GRM7: variants seen among roughly 807,000 people sequenced by gnomAD.
GRM7 encodes glutamate metabotropic receptor 7, also known as metabotropic glutamate receptor 7.
Under a neutral mutation model 84.5 loss-of-function variants are expected in GRM7, and 35 were observed. That is an observed-to-expected ratio of 0.41 (90% CI 0.32 to 0.55). The LOEUF (loss-of-function observed/expected upper bound fraction) is 0.55. GRM7 is among the 20% of genes least tolerant of loss of function. GRM7 has a pLI of 0.19. For missense variants in GRM7, 1,003 were observed against 1,194.6 expected, an observed-to-expected ratio of 0.84 and a Z score of 2.36; for synonymous variants, 487 against 455.1, an observed-to-expected ratio of 1.07 and a Z score of -0.89.
intron 1 of GRM7, among the ~76,000 whole-genome samples, chr3:7,099,258 T>C (rs554737118): frequency 3.7e-5 from 5 of 134,748 alleles, no homozygotes; most frequent in Non-Finnish European, 7.6e-5. Context: ...ATACATGTAT[T>C]ATACATGTAT....
rs1019279401 is a variant in GRM7, at chr3:7,351,365, A to T, written c.1033+44713A>T. Among the ~76,000 whole-genome samples the T allele has an allele frequency of 4.1e-5, 6 of 145,868 alleles. 1 individual carries two copies. In the South Asian group the frequency reaches 1.3e-3, roughly 32 times the overall value. On this transcript the variant is annotated intron_variant, in intron 4 of 9. Transcript: ENST00000357716. ...AAAAAAAAAAAAAAAAAAAAAAAAC[A>T]ACTGACTTATAAACTGACCCAACCC... is the stretch of plus-strand genomic sequence containing the variant.
At chr3:6,915,505 C>T (rs563413059) in intron 1 of GRM7, among the ~76,000 whole-genome samples, 4 of 152,280 alleles carry the variant, frequency 2.6e-5, no homozygotes, top group East Asian at 1.9e-4. Flanking sequence ...ACATTCTCAA[C>T]GTTCATCTTT....
At chr3:6,948,244 G>C (rs1323457063) in intron 1 of GRM7, among the ~76,000 whole-genome samples, 1 of 152,018 alleles carries the variant, frequency 6.6e-6, no homozygotes, top group Non-Finnish European at 1.5e-5. Flanking sequence ...CAGAGATTCT[G>C]GTATGTTGTG....
chr3:7,576,977 T>C (rs1326621286), intron 7 of GRM7, among the ~76,000 whole-genome samples: 2 of 152,214 alleles, frequency 1.3e-5, no homozygotes, highest in African/African-American at 4.8e-5. Context: ...CAGTGATCTT[T>C]GTCTTTCCAC....
intron 1 of GRM7, among the ~76,000 whole-genome samples, chr3:7,003,361 T>C (rs1207059159): frequency 2.6e-5 from 4 of 152,130 alleles, no homozygotes; most frequent in Non-Finnish European, 2.9e-5. Context: ...CCCATAAATA[T>C]ATGCAATTAA....
chr3:7,237,468 T>C (rs939117553), intron 2 of GRM7, among the ~76,000 whole-genome samples: 4 of 152,138 alleles, frequency 2.6e-5, no homozygotes, highest in African/African-American at 9.7e-5. Flanking sequence ...TTGGGCTCGC[T>C]GACTTCAAGC....
At chr3:7,065,780 C>T (rs1033149919) in intron 1 of GRM7, among the ~76,000 whole-genome samples, 4 of 151,710 alleles carry the variant, frequency 2.6e-5, no homozygotes, top group African/African-American at 7.3e-5. Context: ...TCACTTTTGG[C>T]AATATGGTGA....
At chr3:7,031,940 C>G (rs1156800878) in intron 1 of GRM7, among the ~76,000 whole-genome samples, 4 of 152,066 alleles carry the variant, frequency 2.6e-5, no homozygotes, top group Admixed American at 2.0e-4. Context: ...ACACAGTCTT[C>G]TGACCTGTGC....
chr3:7,410,512 G>A (rs57360810), intron 4 of GRM7, among the ~76,000 whole-genome samples: 4,843 of 151,674 alleles, frequency 0.032, 257 homozygotes, highest in African/African-American at 0.11. Context: ...GGTTGAGGCT[G>A]CATTGTGCCA....
chr3:7,597,825 G>T (rs546235380), intron 8 of GRM7, among the ~76,000 whole-genome samples: 1 of 152,240 alleles, frequency 6.6e-6, no homozygotes, highest in South Asian at 2.1e-4. Flanking sequence ...ATGCAAGAAG[G>T]CTTGGCTAGG....
chr3:7,199,274 T>C (rs1274883505), intron 2 of GRM7, among the ~76,000 whole-genome samples: 1 of 152,142 alleles, frequency 6.6e-6, no homozygotes, highest in Non-Finnish European at 1.5e-5. Flanking sequence ...TGCTGAGACA[T>C]GACATGGATG....
chr3:7,174,967 T>C (rs1370136204), intron 2 of GRM7, among the ~76,000 whole-genome samples: 1 of 152,198 alleles, frequency 6.6e-6, no homozygotes, highest in African/African-American at 2.4e-5. Context: ...TGAATAATGG[T>C]GTAATACATT....
intron 7 of GRM7, among the ~76,000 whole-genome samples, chr3:7,476,524 T>G (rs1367616936): frequency 6.6e-6 from 1 of 151,974 alleles, no homozygotes. Context: ...TCCAGCCTGG[T>G]GACAGTTCGA....
intron 2 of GRM7, among the ~76,000 whole-genome samples, chr3:7,251,252 GAATTTT>G (rs1697974265): frequency 6.6e-6 from 1 of 151,538 alleles, no homozygotes; most frequent in Admixed American, 6.6e-5. Flanking sequence ...TAACCAGAAA[GAATTTT>G]AATGCTTTCA....
intron 2 of GRM7, among the ~76,000 whole-genome samples, chr3:7,296,820 T>TAA: frequency 6.6e-6 from 1 of 151,248 alleles, no homozygotes; most frequent in African/African-American, 2.4e-5. Context: ...AACAGCTTTT[T>TAA]TAAAAAAAAA....
At chr3:7,326,736 A>T (rs1347038765) in intron 4 of GRM7, among the ~76,000 whole-genome samples, 2 of 151,660 alleles carry the variant, frequency 1.3e-5, no homozygotes, top group Non-Finnish European at 2.9e-5. Context: ...CAGGAGGCTG[A>T]GGTAGGAGAA....
At chr3:7,677,261 TTAAAAAAAAAAAAAAAAA>T (rs1476688677) in intron 8 of GRM7, among the ~76,000 whole-genome samples, 5 of 103,378 alleles carry the variant, frequency 4.8e-5, no homozygotes, top group Admixed American at 3.6e-4. Flanking sequence ...GACTCTGTCT[TTAAAAAAAAAAAAAAAAA>T]AAAAAAAAAA....
intron 8 of GRM7, among the ~76,000 whole-genome samples, chr3:7,672,025 A>T (rs1353149352): frequency 2.0e-5 from 3 of 152,096 alleles, no homozygotes; most frequent in Non-Finnish European, 4.4e-5. Flanking sequence ...AACAACAAAA[A>T]TATTTTTCCT....
At chr3:7,688,046 A>C (rs934029245) in intron 9 of GRM7, among the ~76,000 whole-genome samples, 4 of 152,092 alleles carry the variant, frequency 2.6e-5, no homozygotes, top group African/African-American at 9.7e-5. Context: ...GGAGCTCAAC[A>C]CTTTAATAGT....
Sources: gnomAD v4.1 joint callset for allele counts (sites outside exome capture counted in the v4.1 genomes callset) on GRCh38, gnomAD v4.1.1 for gene constraint, MANE v1.5 for transcripts, NCBI Gene and HGNC (gene_info 2026-07-23, HGNC 2026-07-21) for gene names.